The following GTF3C2 variants were observed in gnomAD, a reference collection of about 807,000 sequenced individuals.
GTF3C2 encodes the protein general transcription factor IIIC subunit 2.
A neutral mutation model predicts 117.4 loss-of-function variants in GTF3C2; 17 were observed. The ratio of observed to expected loss-of-function variants is 0.14; its 90% CI spans 0.10 to 0.22. GTF3C2 has a LOEUF of 0.22. Ranked by LOEUF, GTF3C2 falls within the 10% of genes least tolerant of loss-of-function variation. The pLI is 1.00. For missense variants in GTF3C2, 888 were observed against 1,143.6 expected (o/e 0.78, Z 3.22); for synonymous variants, 437 against 427.0 (o/e 1.02, Z -0.29).
At chr2:27,340,975 A>G (rs1484763282) in intron 4 of GTF3C2, among the ~76,000 whole-genome samples, 1 of 151,856 alleles carries the variant, frequency 6.6e-6, no homozygotes, top group Admixed American at 6.6e-5. Flanking sequence ...AACTGATGTT[A>G]TTTTTCTACT....
intron 17 of GTF3C2, 52 bp from the exon 18 acceptor site, chr2:27,327,336 T>G: frequency 2.0e-6 from 2 of 985,238 alleles, no homozygotes; most frequent in Non-Finnish European, 1.6e-6. Flanking sequence ...TCGTTTGTTT[T>G]TTTTAAGACG....
chr2:27,330,522 G>A (rs1680241434), intron 12 of GTF3C2, among the ~76,000 whole-genome samples: 1 of 151,946 alleles, frequency 6.6e-6, no homozygotes, highest in Middle Eastern at 3.2e-3. Flanking sequence ...AAGAGAACAG[G>A]CAAAAAGTCA....
chr2:27,329,164 G>C lies in GTF3C2; in HGVS notation c.1996C>G (p.Pro666Ala), dbSNP rs1248429123. ...TGAGCCACAGTGACACCATTGTAGG[G>C]AAGCAGCCAGGCCAGTTCTGTACTC... is the stretch of plus-strand genomic sequence containing the variant. Residue 666 changes from proline (P) to alanine (A), a missense_variant, in exon 14 of 19, where the codon CCC becomes GCC. Pro to Ala is a conservative substitution (Grantham distance 27). Transcript: ENST00000264720. The surrounding 1 kb of genome is among the most constrained non-coding windows in gnomAD (Gnocchi z 4.5). 3.1e-6 allele frequency: 5 copies of C among 1,614,160 alleles called. No individual in the cohort carries two copies. Among genetic ancestry groups the C allele is most frequent in the Non-Finnish European group, 4.2e-6 (5 of 1,180,022 alleles).
rs1680221928 is a variant in GTF3C2, at chr2:27,329,978, C to G, written c.1733-455G>C. Among the ~76,000 whole-genome samples the G allele has an allele frequency of 6.6e-6, 1 of 151,328 alleles. No homozygotes were observed. On this transcript the variant is annotated intron_variant, in intron 12 of 18. Transcript: ENST00000264720. The surrounding 1 kb of genome is among the most constrained non-coding windows in gnomAD (Gnocchi z 4.5). ...TGATCAACATGGTGAAACCCCGTCT[C>G]TACTAAAAATACAAAAAATTGGCCA...
rs767550374 is a variant in GTF3C2 at position 27,334,009 on chromosome 2, A to G, written c.1577-10T>C. On this transcript the variant is annotated splice_polypyrimidine_tract_variant and intron_variant, in intron 10 of 18. Transcript: ENST00000264720. ...GCAGGCTTCACTGCATCTGTGAGGA[A>G]AAAGAGCAGGAACTAACTCTATGGA... 2.7e-5 allele frequency: 43 copies of G among 1,606,162 alleles called. No homozygotes were observed. Among genetic ancestry groups the G allele is most frequent in the Non-Finnish European group, 3.4e-5 (40 of 1,173,304 alleles).
intron 5 of GTF3C2, 107 bp from the exon 6 acceptor site, chr2:27,337,665 T>C: frequency 1.2e-6 from 1 of 826,912 alleles, no homozygotes; most frequent in Non-Finnish European, 2.1e-6. Flanking sequence ...TGCTCCCCAA[T>C]ATGCCAGTTG....
intron 10 of GTF3C2, 89 bp from the exon 11 acceptor site, chr2:27,334,088 T>A (rs756486511): frequency 1.1e-4 from 99 of 917,976 alleles, no homozygotes; most frequent in Non-Finnish European, 1.6e-4. Flanking sequence ...TGCAGTGGCA[T>A]GATCATGGCT....
intron 10 of GTF3C2, among the ~76,000 whole-genome samples, chr2:27,334,935 TGCCCA>T (rs1352126905): frequency 6.6e-6 from 1 of 152,192 alleles, no homozygotes; most frequent in Admixed American, 6.5e-5. Context: ...TGGACCACCA[TGCCCA>T]GCCCCACAGC....
intron 1 of GTF3C2, among the ~76,000 whole-genome samples, chr2:27,350,904 G>A (rs1681109053): frequency 6.8e-6 from 1 of 147,682 alleles, no homozygotes; most frequent in South Asian, 2.1e-4. Context: ...AGCCGAGACT[G>A]CACCACTGCA....
At chr2:27,327,748 C>A (rs1040122125) in intron 17 of GTF3C2, among the ~76,000 whole-genome samples, 8 of 151,754 alleles carry the variant, frequency 5.3e-5, no homozygotes, top group Admixed American at 3.9e-4. Context: ...CTGCCTCAGC[C>A]TCCTGAATAG....
chr2:27,347,150 A>G (rs1376828648), intron 1 of GTF3C2, among the ~76,000 whole-genome samples: 2 of 152,206 alleles, frequency 1.3e-5, no homozygotes, highest in African/African-American at 4.8e-5. Flanking sequence ...GAACTCTCCA[A>G]GGGTCCAGTT....
intron 3 of GTF3C2, 87 bp from the exon 4 acceptor site, chr2:27,342,320 G>T: frequency 9.4e-7 from 1 of 1,063,318 alleles, no homozygotes; most frequent in South Asian, 1.6e-5. Context: ...TCTCAATGGA[G>T]CCTCCCAATA....
At chr2:27,352,314 C>CAT (rs1195003501) in intron 1 of GTF3C2, among the ~76,000 whole-genome samples, 2 of 152,206 alleles carry the variant, frequency 1.3e-5, no homozygotes, top group Admixed American at 1.3e-4. Flanking sequence ...TCCCCCTACA[C>CAT]ATTCTCTGAT....
intron 1 of GTF3C2, among the ~76,000 whole-genome samples, chr2:27,348,042 G>A (rs544460543): frequency 4.8e-4 from 73 of 152,264 alleles, no homozygotes; most frequent in Admixed American, 4.4e-3. Context: ...AGGCCCGGAC[G>A]GGCCAATCAC....
Position 27,350,315 on chromosome 2 carries a change from G to A in GTF3C2, c.-25+6424C>T, listed in dbSNP as rs114247270. On this transcript the variant is annotated intron_variant, in intron 1 of 18. Coordinates refer to ENST00000264720, the Ensembl canonical transcript of GTF3C2. ...TTCCTAGTTCTACCCCAGACCTACC[G>A]AATCAGCAATTCTGGATGGGGCCAG... 9.8e-4 allele frequency: 659 copies of A among 670,422 alleles called. 1 individual carries two copies. The African/African-American group carries it at 0.011, about 11-fold the overall frequency. The allele number at this position is 670,422 out of a possible 1,614,324, so 41.5% of individuals were successfully genotyped here.
exon 4 of GTF3C2, chr2:27,342,195 G>A: frequency 6.2e-7 from 1 of 1,613,784 alleles, no homozygotes. Context: ...CAGGGCTGTT[G>A]AGAGCTCTTC....
intron 4 of GTF3C2, chr2:27,338,324 GTCT>G (rs1680572388): frequency 2.8e-6 from 1 of 358,614 alleles, no homozygotes. Context: ...CTATGGAATA[GTCT>G]CCCTTACTCC....
Position 27,338,025 on chromosome 2 carries a change from G to C in GTF3C2, c.856-5C>G. ...TCGGCAGTGTGGTTTCTGTTTCTGAGGATCAAATTGAAGAAAATATAAGGG... is the reference window on the plus strand; with the variant it reads ...TCGGCAGTGTGGTTTCTGTTTCTGACGATCAAATTGAAGAAAATATAAGGG... On this transcript the variant is annotated splice_polypyrimidine_tract_variant and splice_region_variant and intron_variant, in intron 4 of 18. Transcript: ENST00000264720. 5 of 1,579,040 alleles carry C rather than the reference G, an allele frequency of 3.2e-6. No homozygotes were observed. Among genetic ancestry groups the C allele is most frequent in the Non-Finnish European group, 4.4e-6 (5 of 1,147,954 alleles).
At chr2:27,346,330 C>G (rs9711708) in intron 1 of GTF3C2, among the ~76,000 whole-genome samples, 1 of 64,302 alleles carries the variant, frequency 1.6e-5, no homozygotes, top group African/African-American at 6.0e-5. Flanking sequence ...ATTCTGATAC[C>G]TTTTTTTTTT....
Sources: gnomAD v4.1 joint callset for allele counts (sites outside exome capture counted in the v4.1 genomes callset) on GRCh38, gnomAD v4.1.1 for gene constraint, Gnocchi (gnomAD v3.1) non-coding constraint, MANE v1.5 for transcripts, NCBI Gene and HGNC (gene_info 2026-07-23, HGNC 2026-07-21) for gene names.